The following BICD2 variants were observed in gnomAD, a reference collection of about 807,000 sequenced individuals.
BICD2 encodes the protein protein bicaudal D homolog 2.
Under a neutral mutation model 72.9 loss-of-function variants are expected in BICD2, and 25 were observed. That is an observed-to-expected ratio of 0.34 (90% CI 0.25 to 0.48). The LOEUF (loss-of-function observed/expected upper bound fraction) is 0.48. Among genes scored for constraint, BICD2 ranks in the 20% least tolerant of loss-of-function variants. The probability of loss-of-function intolerance (pLI) is 0.99; values close to 1 mark genes in which losing one functional copy is unlikely to be tolerated. For missense variants in BICD2, 894 were observed against 1,175.2 expected, an observed-to-expected ratio of 0.76 and a Z score of 3.50; for synonymous variants, 501 against 516.1, an observed-to-expected ratio of 0.97 and a Z score of 0.40.
intron 1 of BICD2, among the ~76,000 whole-genome samples, chr9:92,757,596 C>CG (rs1038638105): frequency 2.7e-4 from 4 of 14,740 alleles, no homozygotes; most frequent in Non-Finnish European, 4.6e-4. Flanking sequence ...TGCGGGGGGG[C>CG]GGGGGGGAGC....
In BICD2 at chr9:92,754,440, T is replaced by C. The variant is rs539053836; in HGVS notation, c.240+10065A>G. On this transcript the variant is annotated intron_variant, in intron 1 of 6. Transcript: ENST00000356884. ...ATCGTGTTCAAACTGTTCCCTCATA[T>C]ATCAATCAGTCTGGAACAAATTTAC... is the stretch of plus-strand genomic sequence containing the variant. Among the ~76,000 whole-genome samples, 17 of 152,348 alleles carry C rather than the reference T, an allele frequency of 1.1e-4. 1 individual carries two copies. In the East Asian group the frequency reaches 2.3e-3, roughly 21 times the overall value.
rs138339539 is a variant in BICD2, at chr9:92,722,783, C to A, written c.479G>T (p.Arg160Leu). 1 of 1,613,200 alleles carries A rather than the reference C, an allele frequency of 6.2e-7. No individual in the cohort carries two copies. Among genetic ancestry groups the A allele is most frequent in the Non-Finnish European group, 8.5e-7 (1 of 1,179,708 alleles). The change falls in exon 3 of 7, where the codon CGT becomes CTT. Residue 160 changes from arginine (R) to leucine (L), a missense_variant. Physicochemically the swap from Arg to Leu is moderately radical, Grantham distance 102. Around this residue, in one of 5 missense-constraint regions of BICD2, gnomAD observed 192 missense variants for 243.6 expected, o/e 0.79. Coordinates refer to ENST00000356884, the MANE Select transcript of BICD2 (RefSeq NM_001003800.2). ...CTTGATGTCATCCCGCAGGCGGCCA[C>A]GCTGGATCTCCACATTCTGGTTGAT... ...KEINQNVEIQ[R>L]GRLRDDIKEY... is the part of the protein sequence containing the mutation.
intron 1 of BICD2, among the ~76,000 whole-genome samples, chr9:92,734,830 C>T (rs1344620321): frequency 6.6e-6 from 1 of 152,200 alleles, no homozygotes; most frequent in South Asian, 2.1e-4. Flanking sequence ...AACCTACCAT[C>T]AGGATCCAGT....
At chr9:92,747,301 C>T (rs1321366525) in intron 1 of BICD2, among the ~76,000 whole-genome samples, 1 of 152,222 alleles carries the variant, frequency 6.6e-6, no homozygotes. Context: ...CTTGCCATCT[C>T]GGCCTAGTGC....
chr9:92,757,588 CG>C (rs558367606), intron 1 of BICD2, among the ~76,000 whole-genome samples: 21 of 6,558 alleles, frequency 3.2e-3, no homozygotes, highest in African/African-American at 0.016. Flanking sequence ...CCAGCTACTG[CG>C]GGGGGGCGGG....
intron 1 of BICD2, among the ~76,000 whole-genome samples, chr9:92,732,421 T>C (rs985329394): frequency 1.3e-5 from 2 of 152,176 alleles, no homozygotes; most frequent in African/African-American, 2.4e-5. Flanking sequence ...AAATAAATCA[T>C]AGCTGAAAAT....
intron 1 of BICD2, among the ~76,000 whole-genome samples, chr9:92,755,125 C>G (rs1347770683): frequency 6.6e-6 from 1 of 152,202 alleles, no homozygotes; most frequent in African/African-American, 2.4e-5. Flanking sequence ...GGTCTCTGAA[C>G]TGGCCCCCCT....
At chr9:92,718,461 GGGGA>G (rs1853370808) in intron 5 of BICD2, 74 bp downstream of exon 5, 1 of 1,515,942 alleles carries the variant, frequency 6.6e-7, no homozygotes, top group East Asian at 2.3e-5. Flanking sequence ...CCCGTGGCAG[GGGGA>G]GGAAGGAGGC....
chr9:92,728,766 T>C (rs1853618969), intron 2 of BICD2, among the ~76,000 whole-genome samples: 1 of 152,230 alleles, frequency 6.6e-6, no homozygotes, highest in Admixed American at 6.5e-5. Context: ...CTGGACTTGC[T>C]CATGGGACTC....
intron 1 of BICD2, among the ~76,000 whole-genome samples, chr9:92,763,697 T>A (rs534537115): frequency 4.8e-5 from 7 of 144,958 alleles, no homozygotes; most frequent in African/African-American, 1.5e-4. Context: ...CCTGGTGGTC[T>A]AACCTACTCT....
chr9:92,715,338 C>T lies in BICD2; in HGVS notation c.2384G>A (p.Arg795Gln), dbSNP rs1473987839. 4 of 1,613,086 alleles carry T rather than the reference C, an allele frequency of 2.5e-6. No individual in the cohort carries two copies. Among genetic ancestry groups the T allele is most frequent in the Non-Finnish European group, 3.4e-6 (4 of 1,179,882 alleles). ...AIQQKLALTQ[R>Q]LELLELDHEQ... ...ATGGTCCAGCTCGAGCAGCTCCAGC[C>T]GCTGGGTCAGCGCCAGCTTCTGCTG... is the stretch of plus-strand genomic sequence containing the variant. Residue 795 changes from arginine to glutamine, a missense_variant, in exon 7 of 7, where the codon CGG becomes CAG. Physicochemically the swap from Arg to Gln is conservative, Grantham distance 43. This residue lies in a region of BICD2 where 321 missense variants were observed against 443.9 expected (regional missense o/e 0.72). Transcript: ENST00000356884.
Position 92,727,295 on chromosome 9 carries a change from C to A in BICD2, c.453+1729G>T, listed in dbSNP as rs138314148. On this transcript the variant is annotated intron_variant, in intron 2 of 6. Coordinates refer to ENST00000356884, the MANE Select transcript of BICD2 (RefSeq NM_001003800.2). ...ACCCTCAGGGCCTATGCCCTGCTGA[C>A]CTCCCGTAAGATTATCTGCTGCAGA... Among the ~76,000 whole-genome samples the A allele has an allele frequency of 9.0e-3, 1,369 of 152,328 alleles. 22 individuals carry two copies. The highest frequency in any genetic ancestry group is 0.032 in the African/African-American group (1,321 of 41,560).
rs750967485 is a variant in BICD2, at chr9:92,722,664, G to C, written c.598C>G (p.Gln200Glu). ...SLQKQVSVLR[Q>E]NQVEFEGLKH... ...ACAGGCCCAAGACTCACCTGGTTCT[G>C]TCTGAGCACAGACACTTGCTTCTGC... Residue 200 changes from glutamine (Q) to glutamate (E), a missense_variant, in exon 3 of 7, where the codon CAG (glutamine) becomes GAG (glutamate). Gln to Glu is a conservative substitution (Grantham distance 29). This residue lies in a region of BICD2 where 5 missense variants were observed against 24.5 expected (regional missense o/e 0.20). Coordinates refer to ENST00000356884, the MANE Select transcript of BICD2 (RefSeq NM_001003800.2). 6 of 1,614,200 alleles carry C rather than the reference G, an allele frequency of 3.7e-6. No homozygotes were observed. The highest frequency in any genetic ancestry group is 1.6e-4 in the Middle Eastern group (1 of 6,062).
intron 1 of BICD2, among the ~76,000 whole-genome samples, chr9:92,740,891 G>T (rs1179963796): frequency 6.6e-6 from 1 of 152,184 alleles, no homozygotes; most frequent in Non-Finnish European, 1.5e-5. Flanking sequence ...GGCACCAGCA[G>T]GCCTGCCTCA....
chr9:92,717,588 C>G (rs1354829985), intron 6 of BICD2, among the ~76,000 whole-genome samples: 1 of 152,256 alleles, frequency 6.6e-6, no homozygotes, highest in Non-Finnish European at 1.5e-5. Flanking sequence ...TTCTTGTCAC[C>G]AACTTGAGCA....
chr9:92,760,056 T>C (rs749443520), intron 1 of BICD2, among the ~76,000 whole-genome samples: 1 of 152,096 alleles, frequency 6.6e-6, no homozygotes, highest in Admixed American at 6.5e-5. Flanking sequence ...CATTAACCTA[T>C]CACGGCCCAG....
Position 92,723,041 on chromosome 9 carries a change from C to CCCTGACA in BICD2, c.454-234_454-233insTGTCAGG, listed in dbSNP as rs61259632. ...CCCTCAGCCCTTCTCACCTGGGAACCCGTGACTGCCTGCTCCGACCCTTGG... is the reference window on the plus strand; with the variant it reads ...CCCTCAGCCCTTCTCACCTGGGAACCCCTGACACGTGACTGCCTGCTCCGACCCTTGG... On this transcript the variant is annotated intron_variant, in intron 2 of 6. Transcript: ENST00000356884. Among the ~76,000 whole-genome samples the CCCTGACA allele has an allele frequency of 0.28, 41,804 of 151,822 alleles. 6,774 individuals are homozygous for CCCTGACA. The highest frequency in any genetic ancestry group is 0.76 in the East Asian group (3,851 of 5,082).
intron 1 of BICD2, among the ~76,000 whole-genome samples, chr9:92,741,243 G>A (rs540455749): frequency 1.2e-4 from 19 of 152,258 alleles, no homozygotes; most frequent in South Asian, 4.1e-4. Context: ...CCAACTCCAC[G>A]CCCAACACAG....
rs2131504339 is a variant in BICD2 at position 92,722,822 on chromosome 9, G to A, written c.454-14C>T. ...ATTCTGGTTGATCTGTTGGGGGAGA[G>A]GGAAAGGCAGGTATGAGCAGCCTCC... On this transcript the variant is annotated splice_polypyrimidine_tract_variant and intron_variant, in intron 2 of 6. Coordinates refer to ENST00000356884, the MANE Select transcript of BICD2 (RefSeq NM_001003800.2). The A allele has an allele frequency of 3.7e-6, 6 of 1,613,958 alleles. No homozygotes were observed. The East Asian group carries it at 1.1e-4, about 30-fold the overall frequency.
Sources: gnomAD v4.1 joint callset for allele counts (sites outside exome capture counted in the v4.1 genomes callset) on GRCh38, gnomAD v4.1.1 for gene constraint, gnomAD v4.1.1 regional missense constraint, MANE v1.5 for transcripts, NCBI Gene and HGNC (gene_info 2026-07-23, HGNC 2026-07-21) for gene names.